Variants in SLC35F3 observed in about 807,000 individuals in gnomAD.
SLC35F3 encodes solute carrier family 35 member F3, also known as putative thiamine transporter SLC35F3.
A neutral mutation model predicts 49.9 loss-of-function variants in SLC35F3; 25 were observed. The ratio of observed to expected loss-of-function variants is 0.50; its 90% CI spans 0.37 to 0.70. The LOEUF (loss-of-function observed/expected upper bound fraction) is 0.70. Ranked by LOEUF, SLC35F3 falls within the 30% of genes least tolerant of loss-of-function variation. The pLI is 0.00. For synonymous variants in SLC35F3, 275 were observed against 265.4 expected (o/e 1.04, Z -0.35); for missense variants, 525 against 639.8 (o/e 0.82, Z 1.94).
intron 2 of SLC35F3, among the ~76,000 whole-genome samples, chr1:234,139,067 T>G (rs1665849788): frequency 6.6e-6 from 1 of 152,350 alleles, no homozygotes; most frequent in Non-Finnish European, 1.5e-5. Context: ...ACCTCTTGAC[T>G]GTGGCTACTG....
intron 2 of SLC35F3, among the ~76,000 whole-genome samples, chr1:234,031,593 G>A (rs902841553): frequency 6.6e-6 from 1 of 152,152 alleles, no homozygotes; most frequent in Admixed American, 6.5e-5. Context: ...CACCCAGGCT[G>A]GAGTGCAGTG....
rs1661773485 is a variant in SLC35F3 at position 233,906,168 on chromosome 1, A to G, written c.283+410A>G. 1.3e-5 allele frequency among the ~76,000 whole-genome samples: 2 copies of G among 152,232 alleles called. 1 individual carries two copies. Among genetic ancestry groups the G allele is most frequent in the South Asian group, 4.1e-4 (2 of 4,832 alleles). On this transcript the variant is annotated intron_variant, in intron 2 of 7. Coordinates refer to ENST00000366618, the MANE Select transcript of SLC35F3 (RefSeq NM_173508.4). ...GGCTCAGATGGAGATGCTGACTTAC[A>G]TAGCCAGGATTTTAACTCTTCCTTG... is the stretch of plus-strand genomic sequence containing the variant.
chr1:234,189,211 C>T (rs927344535), intron 2 of SLC35F3, among the ~76,000 whole-genome samples: 9 of 151,126 alleles, frequency 6.0e-5, no homozygotes, highest in Non-Finnish European at 1.0e-4. Context: ...AAATCCAAAC[C>T]AAGAAATGCT....
intron 2 of SLC35F3, among the ~76,000 whole-genome samples, chr1:234,165,886 C>T (rs1010923465): frequency 3.9e-5 from 6 of 152,122 alleles, no homozygotes; most frequent in African/African-American, 1.4e-4. Context: ...GTGTCCATTA[C>T]ACCACTCTAG....
intron 2 of SLC35F3, among the ~76,000 whole-genome samples, chr1:233,993,986 A>G (rs1663409293): frequency 6.6e-6 from 1 of 152,204 alleles, no homozygotes; most frequent in Non-Finnish European, 1.5e-5. Context: ...TACCAGAGTG[A>G]AAAATATAAA....
intron 3 of SLC35F3, among the ~76,000 whole-genome samples, chr1:234,259,676 A>G (rs559922617): frequency 1.8e-4 from 28 of 151,406 alleles, no homozygotes; most frequent in Non-Finnish European, 3.7e-4. Flanking sequence ...TCCATCTCAA[A>G]TAATAATAAT....
At chr1:233,960,466 C>T (rs78335663) in intron 2 of SLC35F3, among the ~76,000 whole-genome samples, 3,228 of 152,312 alleles carry the variant, frequency 0.021, 125 homozygotes, top group African/African-American at 0.074. Context: ...CCTTCAAGAT[C>T]ATCTGGCTCT....
chr1:234,062,034 A>C (rs928123482), intron 2 of SLC35F3, among the ~76,000 whole-genome samples: 1 of 152,152 alleles, frequency 6.6e-6, no homozygotes, highest in South Asian at 2.1e-4. Context: ...TATGTCTCAC[A>C]ATATTTTTTG....
chr1:234,162,162 T>A (rs537347538), intron 2 of SLC35F3, among the ~76,000 whole-genome samples: 1 of 152,078 alleles, frequency 6.6e-6, no homozygotes, highest in Admixed American at 6.5e-5. Context: ...GCCCAGCCTG[T>A]GGTGTAGATT....
intron 2 of SLC35F3, among the ~76,000 whole-genome samples, chr1:233,955,705 G>A (rs1662686159): frequency 6.6e-6 from 1 of 151,066 alleles, no homozygotes; most frequent in African/African-American, 2.4e-5. Context: ...CTGATACTCA[G>A]TAATCCTTCC....
chr1:233,997,558 C>T (rs1036730235), intron 2 of SLC35F3, among the ~76,000 whole-genome samples: 8 of 152,056 alleles, frequency 5.3e-5, no homozygotes, highest in Non-Finnish European at 8.8e-5. Context: ...GAAAAACATG[C>T]GTTCAGATCC....
At chr1:234,104,048 TG>T (rs1665249078) in intron 2 of SLC35F3, among the ~76,000 whole-genome samples, 2 of 152,208 alleles carry the variant, frequency 1.3e-5, no homozygotes, top group Admixed American at 1.3e-4. Flanking sequence ...AACTTGTTTT[TG>T]TTAGTCATTG....
intron 2 of SLC35F3, among the ~76,000 whole-genome samples, chr1:234,123,514 A>T (rs1298217691): frequency 1.3e-5 from 2 of 151,726 alleles, no homozygotes; most frequent in African/African-American, 4.8e-5. Context: ...GGCTTAAGTG[A>T]TCCTCCCACT....
At chr1:234,134,698 GC>G (rs1665784383) in intron 2 of SLC35F3, among the ~76,000 whole-genome samples, 2 of 152,048 alleles carry the variant, frequency 1.3e-5, no homozygotes, top group South Asian at 4.2e-4. Flanking sequence ...TTTGTAGTGG[GC>G]CCTGGCACTG....
intron 2 of SLC35F3, among the ~76,000 whole-genome samples, chr1:234,077,266 A>G (rs966003245): frequency 3.3e-5 from 5 of 151,276 alleles, no homozygotes; most frequent in Admixed American, 3.3e-4. Flanking sequence ...GGCCTCCCAA[A>G]GTGCTGGGAT....
chr1:233,905,239 C>A, intron 1 of SLC35F3, 109 bp downstream of exon 1: 1 of 1,206,190 alleles, frequency 8.3e-7, no homozygotes, highest in Non-Finnish European at 1.2e-6. Flanking sequence ...CGGGGAAGGG[C>A]GGCGCGCGCG....
Position 234,163,975 on chromosome 1 carries a change from AAATAG to A in SLC35F3, c.284-67439_284-67435del, listed in dbSNP as rs1259976670. The stretch of plus-strand genomic sequence containing the variant: ...AAAAGGAATATTTCTTCTCAAAATA[AAATAG>A]AAGAAAAAAATATCTCCTTCCTAAT... On this transcript the variant is annotated intron_variant, in intron 2 of 7. Transcript: ENST00000366618. Among the ~76,000 whole-genome samples, 12 of 150,968 alleles carry A rather than the reference AAATAG, an allele frequency of 7.9e-5. No homozygotes were observed. The South Asian group carries it at 1.5e-3, about 18-fold the overall frequency.
At chr1:234,154,394 A>G (rs528424351) in intron 2 of SLC35F3, among the ~76,000 whole-genome samples, 3 of 152,378 alleles carry the variant, frequency 2.0e-5, no homozygotes, top group Admixed American at 1.3e-4. Flanking sequence ...GTATGTGTCC[A>G]TCTATCTATT....
chr1:233,941,197 A>G (rs777570485), intron 2 of SLC35F3, among the ~76,000 whole-genome samples: 3 of 152,068 alleles, frequency 2.0e-5, no homozygotes, highest in African/African-American at 4.8e-5. Context: ...TAACTATGGT[A>G]TTTCCACTTC....
Sources: gnomAD v4.1 joint callset for allele counts (sites outside exome capture counted in the v4.1 genomes callset) on GRCh38, gnomAD v4.1.1 for gene constraint, MANE v1.5 for transcripts, NCBI Gene and HGNC (gene_info 2026-07-23, HGNC 2026-07-21) for gene names.